IFT81: variants seen among roughly 807,000 people sequenced by gnomAD.
The protein encoded by IFT81 is intraflagellar transport 81.
Under a neutral mutation model 102.6 loss-of-function variants are expected in IFT81, and 72 were observed. The observed-to-expected ratio is 0.70, with a 90% CI of 0.58 to 0.85. IFT81 has a LOEUF of 0.85. Ranked by LOEUF, IFT81 falls within the 40% of genes least tolerant of loss-of-function variation. The pLI, the probability that IFT81 is intolerant of heterozygous loss-of-function variation, is 0.00. For synonymous variants in IFT81, 237 were observed against 242.7 expected, an observed-to-expected ratio of 0.98 and a Z score of 0.22; for missense variants, 723 against 787.3, an observed-to-expected ratio of 0.92 and a Z score of 0.98.
intron 11 of IFT81, among the ~76,000 whole-genome samples, chr12:110,174,298 A>G (rs920648759): frequency 6.7e-6 from 1 of 149,212 alleles, no homozygotes. Context: ...AAAAAAAAAA[A>G]AAAAAAAAAT....
At chr12:110,126,805 A>C in intron 1 of IFT81, among the ~76,000 whole-genome samples, 1 of 152,216 alleles carries the variant, frequency 6.6e-6, no homozygotes, top group South Asian at 2.1e-4. Flanking sequence ...CGGCCACACC[A>C]ATAACAGAAA....
intron 18 of IFT81, chr12:110,216,635 T>C (rs1419059385): frequency 2.3e-6 from 1 of 443,312 alleles, no homozygotes; most frequent in Non-Finnish European, 4.5e-6. Flanking sequence ...CTCAGCCTTC[T>C]GAGTAGCTGG....
chr12:110,203,078 C>G (rs1000593615), intron 14 of IFT81, among the ~76,000 whole-genome samples: 6 of 151,942 alleles, frequency 3.9e-5, no homozygotes, highest in Admixed American at 1.3e-4. Flanking sequence ...CCAGCCTGAC[C>G]AACATAGTGA....
intron 11 of IFT81, among the ~76,000 whole-genome samples, chr12:110,180,209 G>A (rs1897265961): frequency 6.6e-6 from 1 of 150,810 alleles, no homozygotes; most frequent in African/African-American, 2.4e-5. Flanking sequence ...GAAGATGGGG[G>A]TTGGGAAGTT....
intron 10 of IFT81, among the ~76,000 whole-genome samples, chr12:110,150,113 CTT>C (rs1161350679): frequency 6.8e-6 from 1 of 146,232 alleles, no homozygotes. Flanking sequence ...CTTTTCTTTT[CTT>C]TTTTTTTTTG....
rs1415756845 is a variant in IFT81 at position 110,143,491 on chromosome 12, A to T, written c.891A>T (p.Lys297Asn). 1.3e-6 allele frequency: 2 copies of T among 1,550,938 alleles called. No homozygotes were observed. The highest frequency in any genetic ancestry group is 4.8e-5 in the East Asian group (2 of 41,978). The change falls in exon 9 of 19, where the codon AAA becomes AAT. Residue 297 changes from lysine (K) to asparagine (N), a missense_variant. Physicochemically the swap from Lys to Asn is moderately conservative, Grantham distance 94. Coordinates refer to ENST00000242591, the MANE Select transcript of IFT81 (RefSeq NM_014055.4). The part of the protein sequence containing the change: ...NKKKELHFLQ[K>N]VVSEPAMGHS... Reference sequence around the variant, plus strand: ...AAAAGGAATTACATTTTTTACAAAAAGTAGTTTCAGAGCCAGCTATGGGCC... The same window carrying T: ...AAAAGGAATTACATTTTTTACAAAATGTAGTTTCAGAGCCAGCTATGGGCC...
chr12:110,150,716 A>G (rs978203574), intron 10 of IFT81, among the ~76,000 whole-genome samples: 1 of 152,244 alleles, frequency 6.6e-6, no homozygotes, highest in African/African-American at 2.4e-5. Context: ...GAATATGATT[A>G]CTACTGAAAA....
chr12:110,161,556 A>G (rs1392965035), intron 10 of IFT81, among the ~76,000 whole-genome samples: 5 of 151,238 alleles, frequency 3.3e-5, no homozygotes, highest in Non-Finnish European at 7.4e-5. Flanking sequence ...TGAGCCTCCT[A>G]TCTCAGCCTG....
intron 14 of IFT81, among the ~76,000 whole-genome samples, chr12:110,195,674 G>T (rs1384566446): frequency 1.3e-5 from 2 of 152,034 alleles, no homozygotes; most frequent in Non-Finnish European, 2.9e-5. Flanking sequence ...GTAATTATTA[G>T]ATCCAGCGCT....
At chr12:110,180,086 G>T (rs1241890898) in intron 11 of IFT81, among the ~76,000 whole-genome samples, 3 of 152,100 alleles carry the variant, frequency 2.0e-5, no homozygotes, top group Non-Finnish European at 4.4e-5. Flanking sequence ...TTAAGGAATA[G>T]TGGGGAAAAC....
Position 110,128,993 on chromosome 12 carries a change from AT to A in IFT81, c.295del (p.Tyr99ThrfsTer14), listed in dbSNP as rs1308945567. The A allele has an allele frequency of 6.2e-7, 1 of 1,613,406 alleles. No homozygotes were observed. Among genetic ancestry groups the A allele is most frequent in the African/African-American group, 1.3e-5 (1 of 74,820 alleles). On this transcript the variant is annotated frameshift_variant, in exon 4 of 19. Transcript: ENST00000242591. LOFTEE classifies it high-confidence loss of function. ...QGLVIGSKPV[I>X]YPVLHWLLQR... The stretch of plus-strand genomic sequence containing the variant: ...TTTGGTGATTGGAAGTAAACCTGTA[AT>A]TTACCCAGTGCTCCACTGGCTTCTT...
At chr12:110,203,985 A>G in intron 15 of IFT81, 35 bp downstream of exon 15, 1 of 1,376,426 alleles carries the variant, frequency 7.3e-7, no homozygotes, top group Non-Finnish European at 1.0e-6. Context: ...CAATTTAGCA[A>G]AAACTACCTG....
intron 11 of IFT81, among the ~76,000 whole-genome samples, chr12:110,164,457 T>G (rs1896326647): frequency 6.6e-6 from 1 of 152,270 alleles, no homozygotes; most frequent in East Asian, 1.9e-4. Context: ...TTTACAGGCT[T>G]TTAAATTTTG....
rs1241739040 is a variant in IFT81, at chr12:110,162,975, G to C, written c.1098G>C (p.Lys366Asn). ...EAKAEELQEA[K>N]EKLASLEREA... The stretch of plus-strand genomic sequence containing the variant: ...AAGCTGAGGAACTTCAGGAGGCCAA[G>C]GAGAAGTTAGCCAGCCTAGAGAGAG... The change falls in exon 11 of 19, where the codon AAG (lysine) becomes AAC (asparagine). Residue 366 changes from lysine to asparagine, a missense_variant. Lys to Asn is a moderately conservative substitution (Grantham distance 94). Transcript: ENST00000242591. 1.2e-6 allele frequency: 2 copies of C among 1,613,920 alleles called. No individual in the cohort carries two copies. The highest frequency in any genetic ancestry group is 1.7e-6 in the Non-Finnish European group (2 of 1,179,888).
At chr12:110,158,108 A>G (rs745943561) in intron 10 of IFT81, among the ~76,000 whole-genome samples, 1 of 151,662 alleles carries the variant, frequency 6.6e-6, no homozygotes, top group Non-Finnish European at 1.5e-5. Flanking sequence ...GTATCACTCC[A>G]TTGTCCAGGT....
intron 14 of IFT81, among the ~76,000 whole-genome samples, chr12:110,201,354 A>G (rs1432036865): frequency 1.3e-5 from 2 of 151,454 alleles, no homozygotes; most frequent in African/African-American, 4.8e-5. Context: ...GTGAGCCAAG[A>G]TCGTACCATT....
In IFT81 at chr12:110,143,385, T is replaced by G. The variant is rs576969206; in HGVS notation, c.785T>G (p.Leu262Ter). 1 of 1,321,326 alleles carries G rather than the reference T, an allele frequency of 7.6e-7. No homozygotes were observed. The highest frequency in any genetic ancestry group is 1.0e-6 in the Non-Finnish European group (1 of 988,834). 81.9% of individuals were successfully genotyped at this position (1,321,326 alleles called of 1,614,324 possible). A position where few individuals can be genotyped will look rare whatever the true frequency, so the allele number is the denominator to read the frequency against. Residue 262 changes from leucine to a stop codon, truncating the protein, a stop_gained, in exon 9 of 19, where the codon TTA becomes TGA. Coordinates refer to ENST00000242591, the MANE Select transcript of IFT81 (RefSeq NM_014055.4). LOFTEE classifies it high-confidence loss of function. ...QAAADAKPESLMKRLEEEIKF... is the reference protein window; with the variant it reads ...QAAADAKPES ...TTTATTTATTTTATTTTTAAAGGTT[T>G]AATGAAGAGGCTAGAGGAGGAGATA...
intron 18 of IFT81, among the ~76,000 whole-genome samples, chr12:110,210,221 G>A (rs1253645515): frequency 1.3e-5 from 2 of 152,108 alleles, no homozygotes; most frequent in Non-Finnish European, 1.5e-5. Flanking sequence ...TTCACTCTTA[G>A]GCTTGTGATT....
At position 110,135,317 on chromosome 12, in the gene IFT81, C is replaced by T. The variant is rs771512489; in HGVS notation, c.586-10C>T. ...GACAGTAACATGTACTACTTATTCC[C>T]TTACTGTAGGTTGAGACAGCTCAGA... is the stretch of plus-strand genomic sequence containing the variant. On this transcript the variant is annotated splice_polypyrimidine_tract_variant and intron_variant, in intron 6 of 18. Transcript: ENST00000242591. The T allele has an allele frequency of 6.4e-7, 1 of 1,561,690 alleles. No individual in the cohort carries two copies. Among genetic ancestry groups the T allele is most frequent in the South Asian group, 1.2e-5 (1 of 86,588 alleles).
Sources: allele counts gnomAD v4.1 joint callset (sites outside exome capture counted in the v4.1 genomes callset), GRCh38; gene constraint gnomAD v4.1.1; transcripts MANE v1.5; gene names NCBI Gene and HGNC (gene_info 2026-07-23, HGNC 2026-07-21).